PYURF: variants seen among roughly 807,000 people sequenced by gnomAD.
PYURF encodes PIGY upstream open reading frame.
PYURF carries 9 observed loss-of-function variants against 8.0 expected under a neutral mutation model. The ratio of observed to expected loss-of-function variants is 1.13; its 90% confidence interval spans 0.68 to 1.97. PYURF has a LOEUF of 1.97. PYURF is among the 30% of genes most tolerant of loss of function. The pLI, the probability that PYURF is intolerant of heterozygous loss-of-function variation, is 0.00. For synonymous variants in PYURF, 56 were observed against 68.3 expected (o/e 0.82, Z 0.89); for missense variants, 130 against 158.0 (o/e 0.82, Z 0.95).
Position 88,523,573 on chromosome 4 carries a change from G to T in PYURF, c.128C>A (p.Thr43Asn). The T allele has an allele frequency of 1.9e-6, 3 of 1,550,592 alleles. No individual in the cohort carries two copies. Among genetic ancestry groups the T allele is most frequent in the Non-Finnish European group, 2.6e-6 (3 of 1,146,864 alleles). Residue 43 changes from threonine (T) to asparagine (N), a missense_variant, in exon 1 of 2, where the codon ACT becomes AAT. Coordinates refer to ENST00000273968, the MANE Select transcript of PYURF (RefSeq NM_032906.5). ...SRPLADRGKK[T>N]EEPPRDFDPA... ...ATCGAAGTCGCGGGGCGGCTCCTCA[G>T]TCTTCTTGCCCCGGTCGGCCAAAGG...
Position 88,521,992 on chromosome 4 carries a change from A to C in PYURF, c.241T>G (p.Leu81Val), listed in dbSNP as rs1219910942. The C allele has an allele frequency of 6.4e-7, 1 of 1,550,608 alleles. No individual in the cohort carries two copies. Among genetic ancestry groups the C allele is most frequent in the Admixed American group, 2.0e-5 (1 of 50,856 alleles). ...ASTNELINEE[L>V]GIAYPIIDGI... is the part of the protein sequence containing the mutation. Reference sequence around the variant, plus strand: ...TCAATGATTGGATAAGCTATTCCCAACTCTTCATTAATCAATTCGTTTGTT... The same window carrying C: ...TCAATGATTGGATAAGCTATTCCCACCTCTTCATTAATCAATTCGTTTGTT... The change falls in exon 2 of 2, where the codon TTG becomes GTG. Residue 81 changes from leucine to valine, a missense_variant. Coordinates refer to ENST00000273968, the MANE Select transcript of PYURF (RefSeq NM_032906.5).
chr4:88,521,673 G>C lies in PYURF; in HGVS notation c.*215C>G, dbSNP rs1192266973. ...GCAAGAGCAGGCTGTAAAAGCAAAGGCTGGCTGTGCTAGTGCAGCCCTGTG... is the reference window on the plus strand; with the variant it reads ...GCAAGAGCAGGCTGTAAAAGCAAAGCCTGGCTGTGCTAGTGCAGCCCTGTG... On this transcript the variant is annotated 3_prime_UTR_variant, in exon 2 of 2. Coordinates refer to ENST00000273968, the MANE Select transcript of PYURF (RefSeq NM_032906.5). The C allele has an allele frequency of 5.0e-6, 8 of 1,613,888 alleles. No individual in the cohort carries two copies. Among genetic ancestry groups the C allele is most frequent in the Admixed American group, 1.7e-5 (1 of 60,024 alleles).
rs369508492 is a variant in PYURF, at chr4:88,521,652, G to A, written c.*236C>T. On this transcript the variant is annotated 3_prime_UTR_variant, in exon 2 of 2. Coordinates refer to ENST00000273968, the MANE Select transcript of PYURF (RefSeq NM_032906.5). Reference sequence around the variant, plus strand: ...CATACACTGGTATGGTAATAGGCAAGAGCAGGCTGTAAAAGCAAAGGCTGG... The same window carrying A: ...CATACACTGGTATGGTAATAGGCAAAAGCAGGCTGTAAAAGCAAAGGCTGG... 3.7e-6 allele frequency: 6 copies of A among 1,614,030 alleles called. No homozygotes were observed. Among genetic ancestry groups the A allele is most frequent in the Non-Finnish European group, 5.1e-6 (6 of 1,179,872 alleles).
intron 1 of PYURF, among the ~76,000 whole-genome samples, chr4:88,522,594 T>G (rs1742410189): frequency 6.6e-6 from 1 of 152,236 alleles, no homozygotes; most frequent in Admixed American, 6.5e-5. Context: ...AATATGTTTA[T>G]TACGGGAAAA....
At position 88,521,246 on chromosome 4, in the gene PYURF, A is replaced by G; in HGVS notation, c.*642T>C. The G allele has an allele frequency of 4.1e-6, 1 of 242,234 alleles. No homozygotes were observed. The highest frequency in any genetic ancestry group is 8.1e-6 in the Non-Finnish European group (1 of 123,630). The allele number at this position is 242,234 out of a possible 1,614,324, so 15.0% of individuals were successfully genotyped here. A position where few individuals can be genotyped will look rare whatever the true frequency, so the allele number is the denominator to read the frequency against. ...TTACCAAAGACCTTGAAGCTAAACA[A>G]ACAAGCAAAACAAAATTTCAATGAC... is the stretch of plus-strand genomic sequence containing the variant. On this transcript the variant is annotated 3_prime_UTR_variant, in exon 2 of 2. Transcript: ENST00000273968.
At chr4:88,523,389 A>G in intron 1 of PYURF, 109 bp downstream of exon 1, 1 of 1,122,036 alleles carries the variant, frequency 8.9e-7, no homozygotes, top group African/African-American at 1.6e-5. Flanking sequence ...GGCAGCGGAG[A>G]GTACCTGACC....
intron 1 of PYURF, among the ~76,000 whole-genome samples, 186 bp from the exon 2 acceptor site, chr4:88,522,215 T>C (rs939894867): frequency 1.3e-5 from 2 of 152,232 alleles, no homozygotes; most frequent in African/African-American, 4.8e-5. Context: ...TCTCTTACAA[T>C]CTATAATTAT....
chr4:88,523,428 G>C, intron 1 of PYURF, 70 bp downstream of exon 1: 3 of 1,500,964 alleles, frequency 2.0e-6, no homozygotes, highest in Non-Finnish European at 2.7e-6. Context: ...GGCTGCAAGA[G>C]GCCGCGGTCC....
chr4:88,522,253 C>G (rs1742397511), intron 1 of PYURF, among the ~76,000 whole-genome samples: 1 of 152,162 alleles, frequency 6.6e-6, no homozygotes, highest in African/African-American at 2.4e-5. Context: ...CTCTCATATT[C>G]TCTTTTTCAC....
chr4:88,521,577 A>T lies in PYURF; in HGVS notation c.*311T>A. 6.2e-7 allele frequency: 1 copy of T among 1,601,698 alleles called. No homozygotes were observed. Among genetic ancestry groups the T allele is most frequent in the Non-Finnish European group, 8.6e-7 (1 of 1,168,682 alleles). On this transcript the variant is annotated 3_prime_UTR_variant, in exon 2 of 2. Coordinates refer to ENST00000273968, the MANE Select transcript of PYURF (RefSeq NM_032906.5). ...CAGCATATTGACTCTAGTTGCATCAATTATGCCTGAAGAGTTTAATACCCA... is the reference window on the plus strand; with the variant it reads ...CAGCATATTGACTCTAGTTGCATCATTTATGCCTGAAGAGTTTAATACCCA...
rs1282627300 is a variant in PYURF, at chr4:88,521,224, C to G, written c.*664G>C. 1 of 215,354 alleles carries G rather than the reference C, an allele frequency of 4.6e-6. No individual in the cohort carries two copies. The highest frequency in any genetic ancestry group is 1.1e-4 in the East Asian group (1 of 9,430). The allele number at this position is 215,354 out of a possible 1,614,324, so 13.3% of individuals were successfully genotyped here. A position where few individuals can be genotyped will look rare whatever the true frequency, so the allele number is the denominator to read the frequency against. On this transcript the variant is annotated 3_prime_UTR_variant, in exon 2 of 2. Transcript: ENST00000273968. ...CAGTCATCCTTAACATGTGACTTTA[C>G]CAAAGACCTTGAAGCTAAACAAACA...
In PYURF at chr4:88,523,759, G is replaced by C. The variant is rs940207015; in HGVS notation, c.-59C>G. The C allele has an allele frequency of 2.3e-5, 32 of 1,384,232 alleles. No homozygotes were observed. Among genetic ancestry groups the C allele is most frequent in the Non-Finnish European group, 2.8e-5 (30 of 1,071,052 alleles). 85.7% of individuals were successfully genotyped at this position (1,384,232 alleles called of 1,614,324 possible). Reference sequence around the variant, plus strand: ...CCTCGCCACCCGTGGCCGAGCTCCCGGCTTCCCGTTCGTCCAGGCCAGCCG... The same window carrying C: ...CCTCGCCACCCGTGGCCGAGCTCCCCGCTTCCCGTTCGTCCAGGCCAGCCG... On this transcript the variant is annotated 5_prime_UTR_variant, in exon 1 of 2. Coordinates refer to ENST00000273968, the MANE Select transcript of PYURF (RefSeq NM_032906.5).
chr4:88,523,695 C>T lies in PYURF; in HGVS notation c.6G>A (p.Leu2=). 2 of 1,479,062 alleles carry T rather than the reference C, an allele frequency of 1.4e-6. No homozygotes were observed. The highest frequency in any genetic ancestry group is 2.6e-5 in the East Asian group (1 of 38,990). 91.6% of individuals were successfully genotyped at this position (1,479,062 alleles called of 1,614,324 possible). Residue 2 remains leucine, a synonymous_variant, in exon 1 of 2, where the codon CTG becomes CTA. Transcript: ENST00000273968. The part of the protein sequence containing the change: M[L]SGARCRLASA... Reference sequence around the variant, plus strand: ...AGGCGAGCCTGCAGCGTGCTCCACTCAGCATGGTCTGGCAGCCGGAGACCA... The same window carrying T: ...AGGCGAGCCTGCAGCGTGCTCCACTTAGCATGGTCTGGCAGCCGGAGACCA...
Position 88,521,098 on chromosome 4 carries a change from A to G in PYURF, c.*790T>C, listed in dbSNP as rs1386325775. The G allele has an allele frequency of 6.5e-6, 1 of 153,792 alleles. No homozygotes were observed. Among genetic ancestry groups the G allele is most frequent in the Non-Finnish European group, 1.4e-5 (1 of 69,076 alleles). 9.5% of individuals were successfully genotyped at this position (153,792 alleles called of 1,614,324 possible). A position where few individuals can be genotyped will look rare whatever the true frequency, so the allele number is the denominator to read the frequency against. On this transcript the variant is annotated 3_prime_UTR_variant, in exon 2 of 2. Coordinates refer to ENST00000273968, the MANE Select transcript of PYURF (RefSeq NM_032906.5). Reference sequence around the variant, plus strand: ...TTACAAACTCAGTTTTTGTAAGTACATGAAGTTTCTATTTGATTATGTGGT... The same window carrying G: ...TTACAAACTCAGTTTTTGTAAGTACGTGAAGTTTCTATTTGATTATGTGGT...
Position 88,521,808 on chromosome 4 carries a change from A to G in PYURF, c.*80T>C. On this transcript the variant is annotated 3_prime_UTR_variant, in exon 2 of 2. Transcript: ENST00000273968. ...GAAACATTCTTCTCTTCCACTTATT[A>G]CCTGCCACTGTGTTTTAAAAGGTAT... 6.2e-7 allele frequency: 1 copy of G among 1,601,234 alleles called. No homozygotes were observed. Among genetic ancestry groups the G allele is most frequent in the African/African-American group, 1.3e-5 (1 of 74,746 alleles).
intron 1 of PYURF, 43 bp downstream of exon 1, chr4:88,523,455 C>A (rs1339205438): frequency 3.2e-6 from 5 of 1,546,718 alleles, no homozygotes; most frequent in Non-Finnish European, 8.7e-7. Flanking sequence ...CCCTTTCCGC[C>A]CACCGGGAGG....
chr4:88,522,118 AATTTTTGGTACGGAGTT>A, intron 1 of PYURF, 89 bp from the exon 2 acceptor site: 2 of 1,248,720 alleles, frequency 1.6e-6, no homozygotes, highest in Non-Finnish European at 2.2e-6. Flanking sequence ...CCATTTATCC[AATTTTTGGTACGGAGTT>A]AATCCCAGAA....
Position 88,522,043 on chromosome 4 carries a change from A to C in PYURF, c.204-14T>G. 6.6e-7 allele frequency: 1 copy of C among 1,522,090 alleles called. No homozygotes were observed. Among genetic ancestry groups the C allele is most frequent in the Non-Finnish European group, 8.8e-7 (1 of 1,136,370 alleles). 94.3% of individuals were successfully genotyped at this position (1,522,090 alleles called of 1,614,324 possible). ...GATGCTTCATATCTGAGGTGGAAAA[A>C]AAAAGAACAAAATGAGTTGTGGGAA... On this transcript the variant is annotated splice_polypyrimidine_tract_variant and intron_variant, in intron 1 of 1. Coordinates refer to ENST00000273968, the MANE Select transcript of PYURF (RefSeq NM_032906.5).
In PYURF at chr4:88,521,277, G is replaced by C. The variant is rs1425574886; in HGVS notation, c.*611C>G. The C allele has an allele frequency of 2.1e-5, 7 of 326,386 alleles. No individual in the cohort carries two copies. The highest frequency in any genetic ancestry group is 4.0e-5 in the Non-Finnish European group (7 of 176,338). 20.2% of individuals were successfully genotyped at this position (326,386 alleles called of 1,614,324 possible). A position where few individuals can be genotyped will look rare whatever the true frequency, so the allele number is the denominator to read the frequency against. ...CAAAACAAAATTTCAATGACTCTTAGATGAATGGAATAAGAAATAGTCATC... is the reference window on the plus strand; with the variant it reads ...CAAAACAAAATTTCAATGACTCTTACATGAATGGAATAAGAAATAGTCATC... On this transcript the variant is annotated 3_prime_UTR_variant, in exon 2 of 2. Coordinates refer to ENST00000273968, the MANE Select transcript of PYURF (RefSeq NM_032906.5).
Sources: gnomAD v4.1 joint callset for allele counts (sites outside exome capture counted in the v4.1 genomes callset) on GRCh38, gnomAD v4.1.1 for gene constraint, MANE v1.5 for transcripts, NCBI Gene and HGNC (gene_info 2026-07-23, HGNC 2026-07-21) for gene names.